Variants in HUNK observed in about 807,000 individuals in gnomAD.
HUNK encodes the protein hormonally up-regulated Neu-associated kinase, also known as hormonally up-regulated neu tumor-associated kinase.
In HUNK, 21 loss-of-function variants were observed where a neutral mutation model predicts 61.0. The observed-to-expected ratio is 0.34, with a 90% CI of 0.24 to 0.50. The LOEUF is 0.50. Ranked by LOEUF, HUNK falls within the 20% of genes least tolerant of loss-of-function variation. The probability of loss-of-function intolerance (pLI) is 0.98; values close to 1 mark genes in which losing one functional copy is unlikely to be tolerated. For synonymous variants in HUNK, 371 were observed against 386.1 expected (o/e 0.96, Z 0.46); for missense variants, 772 against 945.7 (o/e 0.82, Z 2.41).
intron 8 of HUNK, among the ~76,000 whole-genome samples, chr21:31,984,289 C>G (rs1292452557): frequency 6.6e-6 from 1 of 152,044 alleles, no homozygotes; most frequent in Non-Finnish European, 1.5e-5. Context: ...ATATGCTGAT[C>G]ACCCTGATTT....
chr21:31,948,275 G>A (rs2052823758), intron 4 of HUNK, among the ~76,000 whole-genome samples: 1 of 152,190 alleles, frequency 6.6e-6, no homozygotes, highest in Admixed American at 6.5e-5. Context: ...TGGCTAACCT[G>A]GCATTGTTTC....
chr21:31,885,292 T>A (rs1296948155), intron 1 of HUNK, among the ~76,000 whole-genome samples: 1 of 152,222 alleles, frequency 6.6e-6, no homozygotes, highest in South Asian at 2.1e-4. Flanking sequence ...TGACAGTGCA[T>A]GCGCCTTGGC....
intron 1 of HUNK, among the ~76,000 whole-genome samples, chr21:31,902,150 A>G (rs1022527489): frequency 1.1e-4 from 17 of 152,158 alleles, no homozygotes; most frequent in Non-Finnish European, 2.2e-4. Flanking sequence ...CACAAGCCCT[A>G]CGAGGAAGAA....
intron 3 of HUNK, among the ~76,000 whole-genome samples, chr21:31,944,315 G>C (rs1463201701): frequency 6.6e-6 from 1 of 152,238 alleles, no homozygotes; most frequent in African/African-American, 2.4e-5. Context: ...TTGGCCTCAG[G>C]TGATCTGCCT....
intron 1 of HUNK, among the ~76,000 whole-genome samples, chr21:31,920,985 C>A (rs2052618451): frequency 6.6e-6 from 1 of 151,896 alleles, no homozygotes; most frequent in Non-Finnish European, 1.5e-5. Flanking sequence ...AACCCTGTCT[C>A]TACTAAAAAT....
intron 6 of HUNK, among the ~76,000 whole-genome samples, chr21:31,971,943 C>G (rs186451239): frequency 6.6e-6 from 1 of 152,016 alleles, no homozygotes; most frequent in Admixed American, 6.6e-5. Context: ...ACCTTCACGC[C>G]TCAGCTTCTA....
chr21:31,924,472 C>A lies in HUNK; in HGVS notation c.266C>A (p.Ala89Asp). The A allele has an allele frequency of 6.2e-7, 1 of 1,612,468 alleles. No individual in the cohort carries two copies. The highest frequency in any genetic ancestry group is 8.5e-7 in the Non-Finnish European group (1 of 1,179,466). ...GLHVLTGEKV[A>D]IKVIDKKRAK... ...ATGTTCTTGTTTTCTCCTTAGGTGG[C>A]CATAAAAGTCATTGATAAGAAGAGA... The change falls in exon 2 of 11, where the codon GCC becomes GAC. Residue 89 changes from alanine to aspartate, a missense_variant. Transcript: ENST00000270112. This position sits in a 1 kb window ranked among gnomAD's most constrained non-coding sequence, Gnocchi z 5.1.
At chr21:31,976,258 AG>A (rs1467376424) in intron 7 of HUNK, among the ~76,000 whole-genome samples, 1 of 152,138 alleles carries the variant, frequency 6.6e-6, no homozygotes, top group South Asian at 2.1e-4. Flanking sequence ...CTACTGGAGA[AG>A]AGATGTCAAA....
chr21:31,924,505 A>G lies in HUNK; in HGVS notation c.299A>G (p.Lys100Arg). The G allele has an allele frequency of 1.2e-6, 2 of 1,614,088 alleles. No individual in the cohort carries two copies. Among genetic ancestry groups the G allele is most frequent in the East Asian group, 4.5e-5 (2 of 44,880 alleles). The change falls in exon 2 of 11, where the codon AAG becomes AGG. Residue 100 changes from lysine to arginine, a missense_variant. Transcript: ENST00000270112. This position sits in a 1 kb window ranked among gnomAD's most constrained non-coding sequence, Gnocchi z 5.1. ...IKVIDKKRAK[K>R]DTYVTKNLRR... is the part of the protein sequence containing the mutation. ...GTCATTGATAAGAAGAGAGCCAAAAAGGACACCTATGTCACCAAAAACCTG... is the reference window on the plus strand; with the variant it reads ...GTCATTGATAAGAAGAGAGCCAAAAGGGACACCTATGTCACCAAAAACCTG...
intron 4 of HUNK, among the ~76,000 whole-genome samples, chr21:31,952,299 G>A (rs1018910363): frequency 6.6e-6 from 1 of 152,208 alleles, no homozygotes; most frequent in Non-Finnish European, 1.5e-5. Flanking sequence ...TTGCTTTCAG[G>A]TGGAAGTTAT....
At position 31,925,846 on chromosome 21, in the gene HUNK, T is replaced by G. The variant is rs142680145; in HGVS notation, c.554+1086T>G. 1.5e-4 allele frequency among the ~76,000 whole-genome samples: 23 copies of G among 152,330 alleles called. No individual in the cohort carries two copies. In the East Asian group the frequency reaches 3.1e-3, roughly 20 times the overall value. On this transcript the variant is annotated intron_variant, in intron 2 of 10. Transcript: ENST00000270112. ...CTTTTCCTCCAAGGGAGTGTTGGCT[T>G]CACCAATAAATGCATGGTTCTTCCT...
intron 10 of HUNK, among the ~76,000 whole-genome samples, chr21:31,996,215 A>G (rs950983220): frequency 6.6e-6 from 1 of 152,228 alleles, no homozygotes; most frequent in Admixed American, 6.5e-5. Flanking sequence ...TGATATTGTC[A>G]GAACAGAGGT....
rs57567351 is a variant in HUNK, at chr21:32,001,653, T to TTG, written c.*2488_*2489dup. ...AGTGATGAAAGGGGATCAGCTGTAT[T>TTG]TGTGTGTGTGTGTGTGTGTGAGCAC... On this transcript the variant is annotated 3_prime_UTR_variant, in exon 11 of 11. Transcript: ENST00000270112. The TTG allele has an allele frequency of 0.18, 27,479 of 151,350 alleles. 2,848 individuals are homozygous for TTG. The highest frequency in any genetic ancestry group is 0.32 in the South Asian group (1,525 of 4,722). The allele number at this position is 151,350 out of a possible 1,614,324, so 9.4% of individuals were successfully genotyped here. A position where few individuals can be genotyped will look rare whatever the true frequency, so the allele number is the denominator to read the frequency against.
At chr21:31,877,443 T>C (rs2052271866) in intron 1 of HUNK, among the ~76,000 whole-genome samples, 1 of 152,218 alleles carries the variant, frequency 6.6e-6, no homozygotes, top group African/African-American at 2.4e-5. Flanking sequence ...TGCCTGCTTT[T>C]CCTCTGAAGT....
At chr21:31,900,245 C>T (rs1601366539) in intron 1 of HUNK, among the ~76,000 whole-genome samples, 2 of 152,298 alleles carry the variant, frequency 1.3e-5, no homozygotes, top group South Asian at 4.1e-4. Flanking sequence ...CTAGCTCCTT[C>T]CAGCCCCACT....
chr21:31,899,987 T>C (rs967471437), intron 1 of HUNK, among the ~76,000 whole-genome samples: 2 of 152,014 alleles, frequency 1.3e-5, no homozygotes, highest in African/African-American at 4.8e-5. Flanking sequence ...GTTGGCCAGG[T>C]TGGTCTTGAA....
chr21:31,896,571 AAAAC>A lies in HUNK; in HGVS notation c.261+22652_261+22655del, dbSNP rs576399100. Among the ~76,000 whole-genome samples, 12 of 152,334 alleles carry A rather than the reference AAAAC, an allele frequency of 7.9e-5. No homozygotes were observed. In the East Asian group the frequency reaches 1.2e-3, roughly 15 times the overall value. On this transcript the variant is annotated intron_variant, in intron 1 of 10. Coordinates refer to ENST00000270112, the MANE Select transcript of HUNK (RefSeq NM_014586.2). Reference sequence around the variant, plus strand: ...TCTCATTCCATGTTGGGTCAAGAAAAAAACAAACAAACAAACAAAAACAAGAAAA... The same window carrying A: ...TCTCATTCCATGTTGGGTCAAGAAAAAAACAAACAAACAAAAACAAGAAAA...
At chr21:31,962,664 C>T (rs111816389) in intron 5 of HUNK, among the ~76,000 whole-genome samples, 1 of 152,372 alleles carries the variant, frequency 6.6e-6, no homozygotes, top group African/African-American at 2.4e-5. Context: ...CTTCACTTGT[C>T]AAGCATGAAT....
At chr21:31,997,922 T>A (rs2053217147) in intron 10 of HUNK, among the ~76,000 whole-genome samples, 2 of 152,020 alleles carry the variant, frequency 1.3e-5, no homozygotes, top group South Asian at 4.1e-4. Context: ...TTTTTTTCTT[T>A]TTTTTCTTTT....
Sources: allele counts gnomAD v4.1 joint callset (sites outside exome capture counted in the v4.1 genomes callset), GRCh38; gene constraint gnomAD v4.1.1; non-coding constraint Gnocchi (gnomAD v3.1); transcripts MANE v1.5; gene names NCBI Gene and HGNC (gene_info 2026-07-23, HGNC 2026-07-21).